Variants in NCKAP5 observed in about 807,000 individuals in gnomAD.
NCKAP5 encodes NCK associated protein 5.
A neutral mutation model predicts 167.0 loss-of-function variants in NCKAP5; 92 were observed. That is an observed-to-expected ratio of 0.55 (90% CI 0.47 to 0.66). The LOEUF is 0.66. NCKAP5 is among the 30% of genes least tolerant of loss of function. The probability of loss-of-function intolerance (pLI) is 0.00; values close to 1 mark genes in which losing one functional copy is unlikely to be tolerated. For missense variants in NCKAP5, 2,378 were observed against 2,315.0 expected, an observed-to-expected ratio of 1.03 and a Z score of -0.56; for synonymous variants, 891 against 877.4, an observed-to-expected ratio of 1.02 and a Z score of -0.27.
At chr2:133,412,281 G>T (rs1213231076) in intron 3 of NCKAP5, among the ~76,000 whole-genome samples, 1 of 152,164 alleles carries the variant, frequency 6.6e-6, no homozygotes, top group East Asian at 1.9e-4. Context: ...CTGCAACCTC[G>T]AAGAGGTCCT....
intron 4 of NCKAP5, among the ~76,000 whole-genome samples, chr2:133,238,302 T>C (rs1039135937): frequency 2.6e-5 from 4 of 152,130 alleles, no homozygotes; most frequent in Admixed American, 1.3e-4. Context: ...ATAGAATCAG[T>C]GGATAGAACT....
chr2:132,756,162 C>G (rs1055570450), intron 16 of NCKAP5, among the ~76,000 whole-genome samples: 5 of 152,090 alleles, frequency 3.3e-5, no homozygotes, highest in African/African-American at 9.7e-5. Context: ...AAATGCAAAA[C>G]TTGAGGCAAA....
At chr2:133,397,726 T>C (rs534149545) in intron 3 of NCKAP5, among the ~76,000 whole-genome samples, 23 of 152,288 alleles carry the variant, frequency 1.5e-4, no homozygotes, top group African/African-American at 5.1e-4. Flanking sequence ...CAGATGGTTG[T>C]AGGTCTGTTT....
chr2:133,450,124 CGCACACACACGCGCGTGCGTGCGT>C (rs145614044), intron 3 of NCKAP5, among the ~76,000 whole-genome samples: 4,292 of 152,068 alleles, frequency 0.028, 186 homozygotes, highest in African/African-American at 0.096. Context: ...TCAACACACA[CGCACACACACGCGCGTGCGTGCGT>C]GCACACACAC....
intron 4 of NCKAP5, among the ~76,000 whole-genome samples, chr2:133,247,724 T>TG (rs1259543433): frequency 6.6e-6 from 1 of 152,196 alleles, no homozygotes; most frequent in Non-Finnish European, 1.5e-5. Flanking sequence ...GTAGGCAGCA[T>TG]GAAATCTCTC....
At chr2:133,086,984 T>A (rs1397842082) in intron 6 of NCKAP5, among the ~76,000 whole-genome samples, 1 of 152,186 alleles carries the variant, frequency 6.6e-6, no homozygotes, top group Admixed American at 6.5e-5. Flanking sequence ...TCTAGAAAAG[T>A]GATTTTTAGA....
chr2:133,614,618 G>T, the NCKAP5 span, among the ~76,000 whole-genome samples: 1 of 151,202 alleles, frequency 6.6e-6, no homozygotes, highest in Non-Finnish European at 1.5e-5. Flanking sequence ...AAAAAGAAAC[G>T]AACAAAGCCT....
rs1162323067 is a variant in NCKAP5, at chr2:132,815,354, AG to A, written c.808-18626del. 3.3e-5 allele frequency among the ~76,000 whole-genome samples: 5 copies of A among 152,208 alleles called. No homozygotes were observed. In the East Asian group the frequency reaches 9.6e-4, roughly 29 times the overall value. On this transcript the variant is annotated intron_variant, in intron 11 of 19. Coordinates refer to ENST00000409261, the MANE Select transcript of NCKAP5 (RefSeq NM_207363.3). ...AGACTCATTTGAGAAACTATGGGGA[AG>A]TTCAGATTCCCAAGACTAATTATTA... is the stretch of plus-strand genomic sequence containing the variant.
chr2:132,735,565 G>A (rs965535998), intron 16 of NCKAP5, among the ~76,000 whole-genome samples: 1 of 152,136 alleles, frequency 6.6e-6, no homozygotes, highest in Non-Finnish European at 1.5e-5. Context: ...ATTACCTAGC[G>A]TCAGGTATTT....
intron 6 of NCKAP5, among the ~76,000 whole-genome samples, chr2:133,090,996 G>A (rs2081160459): frequency 6.6e-6 from 1 of 152,062 alleles, no homozygotes; most frequent in Non-Finnish European, 1.5e-5. Flanking sequence ...TATCCCCCTT[G>A]CTGTTCTTGT....
At chr2:132,767,347 A>T (rs1302257306) in intron 16 of NCKAP5, among the ~76,000 whole-genome samples, 1 of 151,978 alleles carries the variant, frequency 6.6e-6, no homozygotes, top group East Asian at 1.9e-4. Flanking sequence ...CCCAGATTCA[A>T]GCGACTCTCC....
chr2:132,992,776 C>T (rs1189045790), intron 7 of NCKAP5, among the ~76,000 whole-genome samples: 1 of 152,158 alleles, frequency 6.6e-6, no homozygotes, highest in Admixed American at 6.5e-5. Flanking sequence ...TAAGCCCTTT[C>T]CCTAGAAATT....
At chr2:133,077,741 T>G (rs1256333072) in intron 6 of NCKAP5, among the ~76,000 whole-genome samples, 2 of 152,176 alleles carry the variant, frequency 1.3e-5, no homozygotes, top group Non-Finnish European at 1.5e-5. Flanking sequence ...TCCTACAAGT[T>G]ATTTCCCTTT....
chr2:133,212,897 G>A (rs914878836), intron 5 of NCKAP5, among the ~76,000 whole-genome samples: 3 of 152,176 alleles, frequency 2.0e-5, no homozygotes, highest in Non-Finnish European at 2.9e-5. Flanking sequence ...TCAGTGGATG[G>A]CCTGTCAATT....
chr2:133,069,749 G>GA (rs911090576), intron 6 of NCKAP5, among the ~76,000 whole-genome samples: 1 of 151,814 alleles, frequency 6.6e-6, no homozygotes, highest in South Asian at 2.1e-4. Context: ...AATCAGGGTA[G>GA]AAAAAAACAT....
At chr2:132,734,969 A>G (rs1691367906) in intron 16 of NCKAP5, among the ~76,000 whole-genome samples, 1 of 152,204 alleles carries the variant, frequency 6.6e-6, no homozygotes, top group African/African-American at 2.4e-5. Context: ...TTCCTCTGAA[A>G]TTGGTGCTGG....
chr2:133,400,098 C>T (rs1489761719), intron 3 of NCKAP5, among the ~76,000 whole-genome samples: 2 of 152,074 alleles, frequency 1.3e-5, no homozygotes, highest in African/African-American at 2.4e-5. Context: ...CAAATACCCC[C>T]ACTCCCACAC....
intron 5 of NCKAP5, among the ~76,000 whole-genome samples, chr2:133,199,029 A>G (rs1439753370): frequency 6.6e-6 from 1 of 152,110 alleles, no homozygotes; most frequent in African/African-American, 2.4e-5. Flanking sequence ...CATTTCAAAA[A>G]ATGATACAAA....
At chr2:133,135,548 A>G (rs1009793505) in intron 5 of NCKAP5, among the ~76,000 whole-genome samples, 3 of 152,210 alleles carry the variant, frequency 2.0e-5, no homozygotes, top group Non-Finnish European at 4.4e-5. Flanking sequence ...CATTCTGACT[A>G]CGGTATGGAG....
Sources: allele counts gnomAD v4.1 joint callset (sites outside exome capture counted in the v4.1 genomes callset), GRCh38; gene constraint gnomAD v4.1.1; transcripts MANE v1.5; gene names NCBI Gene and HGNC (gene_info 2026-07-23, HGNC 2026-07-21).